The following PALLD variants were observed in gnomAD, a reference collection of about 807,000 sequenced individuals.
PALLD encodes palladin, cytoskeletal associated protein.
In PALLD, 61 loss-of-function variants were observed where a neutral mutation model predicts 123.5. That is an observed-to-expected ratio of 0.49 (90% confidence interval 0.40 to 0.61). The LOEUF (loss-of-function observed/expected upper bound fraction) is 0.61. Ranked by LOEUF, PALLD falls within the 20% of genes least tolerant of loss-of-function variation. The pLI is 0.00. For synonymous variants in PALLD, 465 were observed against 496.4 expected (o/e 0.94, Z 0.84); for missense variants, 1,273 against 1,377.0 (o/e 0.92, Z 1.20).
At chr4:168,772,926 G>C (rs938151986) in intron 10 of PALLD, among the ~76,000 whole-genome samples, 1 of 152,072 alleles carries the variant, frequency 6.6e-6, no homozygotes, top group African/African-American at 2.4e-5. Context: ...CAGAAAGACG[G>C]CTGCTCATGC....
chr4:168,583,170 G>A (rs564356365), intron 2 of PALLD, among the ~76,000 whole-genome samples: 56 of 152,206 alleles, frequency 3.7e-4, no homozygotes, highest in Middle Eastern at 3.4e-3. Context: ...AATAAATACA[G>A]AGACATTTCT....
chr4:168,580,239 G>GGTGTGTGTGTGTGT (rs59142111), intron 2 of PALLD, among the ~76,000 whole-genome samples: 1 of 147,386 alleles, frequency 6.8e-6, no homozygotes, highest in Non-Finnish European at 1.5e-5. Flanking sequence ...ATTTCACTGT[G>GGTGTGTGTGTGTGT]GTGTGTGTGT....
At chr4:168,874,859 T>C (rs1228508240) in intron 10 of PALLD, among the ~76,000 whole-genome samples, 1 of 152,038 alleles carries the variant, frequency 6.6e-6, no homozygotes, top group East Asian at 1.9e-4. Flanking sequence ...ATCAAAACTT[T>C]TAGAATTGAA....
At chr4:168,515,242 CACATGAG>C (rs1441406157) in intron 2 of PALLD, among the ~76,000 whole-genome samples, 1 of 152,094 alleles carries the variant, frequency 6.6e-6, no homozygotes, top group Non-Finnish European at 1.5e-5. Flanking sequence ...CTCTTTTGAC[CACATGAG>C]ACATATGACA....
At chr4:168,574,111 T>G (rs1418713932) in intron 2 of PALLD, among the ~76,000 whole-genome samples, 1 of 152,016 alleles carries the variant, frequency 6.6e-6, no homozygotes, top group Non-Finnish European at 1.5e-5. Context: ...AAAAAGGGCA[T>G]GTTGAGAAGC....
At chr4:168,705,792 AT>A (rs1400504707) in intron 8 of PALLD, among the ~76,000 whole-genome samples, 1 of 151,896 alleles carries the variant, frequency 6.6e-6, no homozygotes, top group Non-Finnish European at 1.5e-5. Flanking sequence ...ACCTGCCACC[AT>A]GCCTGGCTAA....
At chr4:168,832,441 T>G (rs1222291433) in intron 10 of PALLD, among the ~76,000 whole-genome samples, 7 of 151,940 alleles carry the variant, frequency 4.6e-5, no homozygotes, top group Non-Finnish European at 1.0e-4. Context: ...CGGGAGAAGA[T>G]GCTCTGCTGC....
At chr4:168,639,612 T>C (rs143504453) in intron 2 of PALLD, among the ~76,000 whole-genome samples, 2,469 of 151,786 alleles carry the variant, frequency 0.016, 49 homozygotes, top group African/African-American at 0.055. Flanking sequence ...GGTGTGATCT[T>C]GGCTCACTGC....
intron 2 of PALLD, among the ~76,000 whole-genome samples, chr4:168,594,859 A>G (rs1771820636): frequency 6.6e-6 from 1 of 152,190 alleles, no homozygotes; most frequent in Admixed American, 6.5e-5. Context: ...TAGATCAAGA[A>G]CAAGGTTAAC....
chr4:168,603,094 A>AC (rs1302518173), intron 2 of PALLD, among the ~76,000 whole-genome samples: 1 of 152,092 alleles, frequency 6.6e-6, no homozygotes, highest in African/African-American at 2.4e-5. Flanking sequence ...ATGCAGTGAT[A>AC]CCCCAGTCAT....
At chr4:168,672,755 G>A (rs1780424358) in intron 3 of PALLD, among the ~76,000 whole-genome samples, 1 of 152,168 alleles carries the variant, frequency 6.6e-6, no homozygotes, top group African/African-American at 2.4e-5. Context: ...ACCTCGCCCG[G>A]CCAAGATGAA....
At chr4:168,738,632 T>C (rs1376019543) in intron 10 of PALLD, among the ~76,000 whole-genome samples, 1 of 147,392 alleles carries the variant, frequency 6.8e-6, no homozygotes, top group Non-Finnish European at 1.5e-5. Flanking sequence ...GGTTTCACCA[T>C]GTTGGCCAGG....
intron 7 of PALLD, 70 bp downstream of exon 7, chr4:168,690,814 G>A (rs1268762237): frequency 3.4e-6 from 5 of 1,465,720 alleles, no homozygotes; most frequent in Non-Finnish European, 4.8e-6. Context: ...AACCAAGAAG[G>A]GCTAAGTCAT....
At chr4:168,666,372 C>T (rs143331256) in intron 2 of PALLD, among the ~76,000 whole-genome samples, 6 of 152,152 alleles carry the variant, frequency 3.9e-5, no homozygotes, top group East Asian at 3.9e-4. Flanking sequence ...TTTTCTATTA[C>T]CTGTAGTAGG....
intron 10 of PALLD, among the ~76,000 whole-genome samples, chr4:168,867,411 T>C (rs1218903881): frequency 6.6e-6 from 1 of 152,210 alleles, no homozygotes; most frequent in Non-Finnish European, 1.5e-5. Context: ...CTCCAGGATA[T>C]TTTGTTACTG....
At chr4:168,588,247 T>C (rs1228202792) in intron 2 of PALLD, among the ~76,000 whole-genome samples, 1 of 152,090 alleles carries the variant, frequency 6.6e-6, no homozygotes, top group East Asian at 1.9e-4. Flanking sequence ...CCAAACACCC[T>C]GAGCTATGAA....
intron 3 of PALLD, among the ~76,000 whole-genome samples, chr4:168,673,946 GCT>G (rs1219914745): frequency 1.3e-5 from 2 of 151,212 alleles, no homozygotes; most frequent in Admixed American, 1.3e-4. Context: ...ATGGAGTCTC[GCT>G]CTGTCACTCA....
chr4:168,636,830 G>A (rs953816645), intron 2 of PALLD, among the ~76,000 whole-genome samples: 4 of 152,172 alleles, frequency 2.6e-5, no homozygotes, highest in Non-Finnish European at 2.9e-5. Context: ...AGAAAGAAAC[G>A]AGGAGCTACA....
intron 2 of PALLD, among the ~76,000 whole-genome samples, chr4:168,571,606 A>G (rs1359690202): frequency 6.6e-6 from 1 of 152,194 alleles, no homozygotes; most frequent in Non-Finnish European, 1.5e-5. Flanking sequence ...GAGAATTTGT[A>G]AAACTATAGA....
Sources: gnomAD v4.1 joint callset for allele counts (sites outside exome capture counted in the v4.1 genomes callset) on GRCh38, gnomAD v4.1.1 for gene constraint, MANE v1.5 for transcripts, NCBI Gene and HGNC (gene_info 2026-07-23, HGNC 2026-07-21) for gene names.